Variants in OR11A1 observed in about 807,000 individuals in gnomAD.
OR11A1 encodes the protein olfactory receptor family 11 subfamily A member 1, also known as olfactory receptor 11A1.
For missense variants in OR11A1, 380 were observed against 378.2 expected (o/e 1.00, Z -0.04); for synonymous variants, 158 against 152.2 (o/e 1.04, Z -0.28).
chr6:29,455,421 T>C (rs912296111), intron 1 of OR11A1, among the ~76,000 whole-genome samples: 2 of 152,306 alleles, frequency 1.3e-5, no homozygotes, highest in Middle Eastern at 3.4e-3. Context: ...GTTGGATAAT[T>C]GTAAATTTAG....
At chr6:29,437,096 T>C (rs1783693895) in intron 1 of OR11A1, among the ~76,000 whole-genome samples, 1 of 152,228 alleles carries the variant, frequency 6.6e-6, no homozygotes, top group Non-Finnish European at 1.5e-5. Flanking sequence ...GGTGGGACTG[T>C]AAACTAGTTC....
rs1181203403 is a variant in OR11A1 at position 29,427,497 on chromosome 6, C to A, written c.145G>T (p.Val49Leu). The A allele has an allele frequency of 6.2e-7, 1 of 1,612,996 alleles. No individual in the cohort carries two copies. The highest frequency in any genetic ancestry group is 8.5e-7 in the Non-Finnish European group (1 of 1,180,002). Residue 49 changes from valine to leucine, a missense_variant, in exon 5 of 5, where the codon GTA (valine) becomes TTA (leucine). Transcript: ENST00000377149. Reference sequence around the variant, plus strand: ...AGCCTCTGGGAGCTAACCACTGCTACAATAATCAGCATATTCCCTATGATG... The same window carrying A: ...AGCCTCTGGGAGCTAACCACTGCTAAAATAATCAGCATATTCCCTATGATG... ...FIIIGNMLII[V>L]AVVSSQRLHK...
At chr6:29,443,195 A>G (rs1414608029) in intron 1 of OR11A1, among the ~76,000 whole-genome samples, 12 of 152,184 alleles carry the variant, frequency 7.9e-5, no homozygotes, top group African/African-American at 2.9e-4. Flanking sequence ...CCATGTATGC[A>G]CCATGACATT....
In OR11A1 at chr6:29,427,088, A is replaced by G. The variant is rs1782874328; in HGVS notation, c.554T>C (p.Phe185Ser). ...GGGATCCGAGCAAGCCAGGCCCACG[A>G]AAAGCATAAAGTCACAGTAAAACTG... ...IDQFYCDFMLFVGLACSDPRV... is the reference protein window; with the variant it reads ...IDQFYCDFMLSVGLACSDPRV... The change falls in exon 5 of 5, where the codon TTC becomes TCC. Residue 185 changes from phenylalanine (F) to serine (S), a missense_variant. Coordinates refer to ENST00000377149, the MANE Select transcript of OR11A1 (RefSeq NM_001394828.1). 1 of 1,612,738 alleles carries G rather than the reference A, an allele frequency of 6.2e-7. No homozygotes were observed. Among genetic ancestry groups the G allele is most frequent in the East Asian group, 2.2e-5 (1 of 44,884 alleles).
intron 1 of OR11A1, among the ~76,000 whole-genome samples, chr6:29,443,971 TTA>T (rs112567446): frequency 0.018 from 2,419 of 138,014 alleles, 24 homozygotes; most frequent in African/African-American, 0.034. Flanking sequence ...CAATCAGTAA[TTA>T]AAAAAAAAAA....
rs1782942008 is a variant in OR11A1, at chr6:29,427,670, T to C, written c.-29A>G. On this transcript the variant is annotated 5_prime_UTR_variant, in exon 5 of 5. Coordinates refer to ENST00000377149, the MANE Select transcript of OR11A1 (RefSeq NM_001394828.1). ...GATCGTCCAAGTTTCTGCTTGGCAATAATTGGGGGAGAAATTTTAGCATGT... is the reference window on the plus strand; with the variant it reads ...GATCGTCCAAGTTTCTGCTTGGCAACAATTGGGGGAGAAATTTTAGCATGT... 7.6e-6 allele frequency: 12 copies of C among 1,579,928 alleles called. No homozygotes were observed. In the East Asian group the frequency reaches 9.0e-5, roughly 12 times the overall value.
At chr6:29,436,122 C>T (rs1161434686) in intron 1 of OR11A1, among the ~76,000 whole-genome samples, 3 of 152,244 alleles carry the variant, frequency 2.0e-5, no homozygotes, top group South Asian at 2.1e-4. Flanking sequence ...CCTTCGCAGT[C>T]GTTCATGGAC....
chr6:29,427,026 A>C lies in OR11A1; in HGVS notation c.616T>G (p.Phe206Val). 1 of 1,612,566 alleles carries C rather than the reference A, an allele frequency of 6.2e-7. No homozygotes were observed. Among genetic ancestry groups the C allele is most frequent in the Non-Finnish European group, 8.5e-7 (1 of 1,180,022 alleles). Residue 206 changes from phenylalanine to valine, a missense_variant, in exon 5 of 5, where the codon TTC becomes GTC. Transcript: ENST00000377149. Reference protein sequence around the residue: ...AQVTTLILSVFCLTIPFGLIL... With the variant: ...AQVTTLILSVVCLTIPFGLIL... ...AGTCCAAAAGGAATAGTGAGGCAGA[A>C]CACAGACAGAATGAGAGTTGTCACC...
Position 29,426,490 on chromosome 6 carries a change from C to A in OR11A1, c.*204G>T. 1.8e-6 allele frequency: 1 copy of A among 548,638 alleles called. No homozygotes were observed. 34.0% of individuals were successfully genotyped at this position (548,638 alleles called of 1,614,324 possible). On this transcript the variant is annotated 3_prime_UTR_variant, in exon 5 of 5. Transcript: ENST00000377149. ...GTAAACCCCCATGACACAAGTTTAC[C>A]TATGTAACAAACCTGCACATGTACC...
rs1363500152 is a variant in OR11A1 at position 29,426,585 on chromosome 6, G to A, written c.*109C>T. On this transcript the variant is annotated 3_prime_UTR_variant, in exon 5 of 5. Transcript: ENST00000377149. Reference sequence around the variant, plus strand: ...TCATTTTTAGTATAACTGCAGAAGAGTTCAAAGAGAATGGTCGAATAAGAC... The same window carrying A: ...TCATTTTTAGTATAACTGCAGAAGAATTCAAAGAGAATGGTCGAATAAGAC... 8.9e-6 allele frequency: 7 copies of A among 783,998 alleles called. No homozygotes were observed. Among genetic ancestry groups the A allele is most frequent in the Non-Finnish European group, 1.4e-5 (7 of 500,424 alleles). The allele number at this position is 783,998 out of a possible 1,614,324, so 48.6% of individuals were successfully genotyped here.
At chr6:29,442,855 AT>A (rs1209632907) in intron 1 of OR11A1, among the ~76,000 whole-genome samples, 5 of 152,242 alleles carry the variant, frequency 3.3e-5, no homozygotes, top group African/African-American at 1.2e-4. Flanking sequence ...TCTAAATCTT[AT>A]CCCCAAGCTA....
In OR11A1 at chr6:29,448,395, C is replaced by G. The variant is rs575568799; in HGVS notation, c.-389+8592G>C. ...ACTACTGGGGGTCTTGGATGGCCCT[C>G]CAATGCTGTTGTCTCTCCAGTTCCT... On this transcript the variant is annotated intron_variant, in intron 1 of 4. Transcript: ENST00000377149. 2.6e-5 allele frequency among the ~76,000 whole-genome samples: 4 copies of G among 152,272 alleles called. No homozygotes were observed. The South Asian group carries it at 6.2e-4, about 24-fold the overall frequency.
intron 1 of OR11A1, chr6:29,440,811 G>A: frequency 6.2e-7 from 1 of 1,613,978 alleles, no homozygotes; most frequent in Non-Finnish European, 8.5e-7. Context: ...GGCCAGCTAC[G>A]ATCCGGCCAC....
intron 1 of OR11A1, among the ~76,000 whole-genome samples, chr6:29,442,083 T>A (rs952669568): frequency 2.0e-5 from 3 of 152,214 alleles, no homozygotes; most frequent in Admixed American, 6.5e-5. Flanking sequence ...GATAGATGTT[T>A]TTGTTAGCAA....
At chr6:29,428,996 GA>G (rs1783070546) in intron 3 of OR11A1, 36 bp from the exon 4 acceptor site, 1 of 776,324 alleles carries the variant, frequency 1.3e-6, no homozygotes, top group Non-Finnish European at 1.6e-6. Context: ...GGAATGATTA[GA>G]AACAGTTGAG....
chr6:29,435,672 G>C (rs1783573187), intron 1 of OR11A1, among the ~76,000 whole-genome samples: 2 of 152,160 alleles, frequency 1.3e-5, no homozygotes, highest in South Asian at 2.1e-4. Context: ...TAATACAAAA[G>C]AGATAGTATT....
intron 1 of OR11A1, among the ~76,000 whole-genome samples, chr6:29,432,246 C>T (rs1783281108): frequency 6.6e-6 from 1 of 152,078 alleles, no homozygotes; most frequent in African/African-American, 2.4e-5. Context: ...TGTATTTTTT[C>T]AAAGGCGGTT....
chr6:29,428,286 T>C (rs1011915504), intron 4 of OR11A1: 5 of 985,300 alleles, frequency 5.1e-6, no homozygotes, highest in Non-Finnish European at 4.8e-6. Context: ...CATCAAGTCA[T>C]TCAGGAGTTG....
At position 29,431,975 on chromosome 6, in the gene OR11A1, G is replaced by C. The variant is rs1055426418; in HGVS notation, c.-376C>G. 2.5e-5 allele frequency: 25 copies of C among 985,368 alleles called. No individual in the cohort carries two copies. The East Asian group carries it at 6.8e-4, about 27-fold the overall frequency. 61.0% of individuals were successfully genotyped at this position (985,368 alleles called of 1,614,324 possible). A position where few individuals can be genotyped will look rare whatever the true frequency, so the allele number is the denominator to read the frequency against. The stretch of plus-strand genomic sequence containing the variant: ...ATTTCCTACCTTCAGCTCCCTCCCT[G>C]CTTGAGCTCAACCTGAAGTAACGTA... On this transcript the variant is annotated 5_prime_UTR_variant, in exon 2 of 5. Coordinates refer to ENST00000377149, the MANE Select transcript of OR11A1 (RefSeq NM_001394828.1).
Sources: allele counts gnomAD v4.1 joint callset (sites outside exome capture counted in the v4.1 genomes callset), GRCh38; gene constraint gnomAD v4.1.1; transcripts MANE v1.5; gene names NCBI Gene and HGNC (gene_info 2026-07-23, HGNC 2026-07-21).